The following CTNND2 variants were observed in gnomAD, a reference collection of about 807,000 sequenced individuals.
CTNND2 encodes the protein catenin delta 2.
In CTNND2, 22 loss-of-function variants were observed where a neutral mutation model predicts 144.4. The ratio of observed to expected loss-of-function variants is 0.15; its 90% CI spans 0.11 to 0.22. The LOEUF is 0.22. Among genes scored for constraint, CTNND2 ranks in the 10% least tolerant of loss-of-function variants. The pLI is 1.00. For missense variants in CTNND2, 1,353 were observed against 1,618.8 expected (o/e 0.84, Z 2.82); for synonymous variants, 751 against 695.6 (o/e 1.08, Z -1.25).
chr5:11,269,504 T>C (rs537503283), intron 9 of CTNND2, among the ~76,000 whole-genome samples: 145 of 152,352 alleles, frequency 9.5e-4, no homozygotes, highest in African/African-American at 3.3e-3. Context: ...TACATTTGCA[T>C]TGTATTCATA....
chr5:11,475,090 C>T (rs1767590667), intron 3 of CTNND2, among the ~76,000 whole-genome samples: 1 of 152,202 alleles, frequency 6.6e-6, no homozygotes, highest in Non-Finnish European at 1.5e-5. Context: ...AAGTGTGTCT[C>T]AGGTATTACC....
chr5:11,660,640 C>T (rs957808702), intron 2 of CTNND2, among the ~76,000 whole-genome samples: 1 of 151,960 alleles, frequency 6.6e-6, no homozygotes, highest in Non-Finnish European at 1.5e-5. Flanking sequence ...GGAGGAAAAA[C>T]AAGTTGAGAA....
intron 2 of CTNND2, among the ~76,000 whole-genome samples, chr5:11,705,516 C>T (rs1344116794): frequency 6.6e-6 from 1 of 152,102 alleles, no homozygotes. Flanking sequence ...TGGGATGAGA[C>T]ATCTGAAAAT....
intron 3 of CTNND2, among the ~76,000 whole-genome samples, chr5:11,521,652 T>A (rs570611597): frequency 1.3e-5 from 2 of 152,178 alleles, no homozygotes; most frequent in Non-Finnish European, 2.9e-5. Context: ...CCGGCAAAAA[T>A]TAGGCATTTA....
chr5:11,193,557 G>A (rs1193638578), intron 11 of CTNND2, among the ~76,000 whole-genome samples: 1 of 152,158 alleles, frequency 6.6e-6, no homozygotes, highest in Non-Finnish European at 1.5e-5. Flanking sequence ...TGGGAACATA[G>A]TAACCCTGAA....
At chr5:11,377,569 A>G (rs1049647966) in intron 7 of CTNND2, among the ~76,000 whole-genome samples, 2 of 152,202 alleles carry the variant, frequency 1.3e-5, no homozygotes, top group African/African-American at 4.8e-5. Context: ...GAGCTTTCAC[A>G]GAATTCTATA....
intron 3 of CTNND2, among the ~76,000 whole-genome samples, chr5:11,439,661 T>A (rs1029267966): frequency 1.3e-5 from 2 of 152,024 alleles, no homozygotes; most frequent in African/African-American, 4.8e-5. Context: ...GCTTCCCCAG[T>A]AGCTAGGGGT....
At chr5:11,721,512 C>A (rs1334643501) in intron 2 of CTNND2, among the ~76,000 whole-genome samples, 1 of 152,166 alleles carries the variant, frequency 6.6e-6, no homozygotes, top group Non-Finnish European at 1.5e-5. Flanking sequence ...CAAACCACCT[C>A]AAGATTTACT....
At chr5:11,352,677 A>G (rs1399464443) in intron 8 of CTNND2, among the ~76,000 whole-genome samples, 1 of 152,216 alleles carries the variant, frequency 6.6e-6, no homozygotes, top group Non-Finnish European at 1.5e-5. Flanking sequence ...ATGAGCAGAT[A>G]GATTTCTATG....
chr5:11,818,625 C>A (rs1561831258), intron 1 of CTNND2, among the ~76,000 whole-genome samples: 1 of 152,194 alleles, frequency 6.6e-6, no homozygotes, highest in Admixed American at 6.5e-5. Context: ...ACCTTGGCAT[C>A]CCAAAGTGCT....
intron 10 of CTNND2, among the ~76,000 whole-genome samples, chr5:11,208,762 C>T (rs906402227): frequency 6.6e-6 from 1 of 151,978 alleles, no homozygotes; most frequent in African/African-American, 2.4e-5. Flanking sequence ...AAGCCAGGAG[C>T]CATAATGAAA....
chr5:11,886,719 A>G (rs546943866), intron 1 of CTNND2, among the ~76,000 whole-genome samples: 2 of 152,310 alleles, frequency 1.3e-5, no homozygotes, highest in Non-Finnish European at 2.9e-5. Context: ...GTGAGGGGGC[A>G]TTAAAAGTTT....
At chr5:11,887,634 C>T (rs1166872719) in intron 1 of CTNND2, among the ~76,000 whole-genome samples, 1 of 151,990 alleles carries the variant, frequency 6.6e-6, no homozygotes, top group Non-Finnish European at 1.5e-5. Flanking sequence ...AATTAATGAC[C>T]AGTATTGATA....
rs1689044089 is a variant in CTNND2 at position 11,698,010 on chromosome 5, T to C, written c.174+34126A>G. On this transcript the variant is annotated intron_variant, in intron 2 of 21. Transcript: ENST00000304623. ...GCTTTTATTCTAAGCTGGCAGAAAG[T>C]AGGAGAGTTACAGTCAGATTTAATT... Among the ~76,000 whole-genome samples, 4 of 152,124 alleles carry C rather than the reference T, an allele frequency of 2.6e-5. No homozygotes were observed. In the South Asian group the frequency reaches 8.3e-4, roughly 32 times the overall value.
intron 6 of CTNND2, 69 bp from the exon 7 acceptor site, chr5:11,385,298 C>T: frequency 2.0e-6 from 2 of 1,018,078 alleles, no homozygotes; most frequent in South Asian, 9.1e-5. Flanking sequence ...CCGGCCCAGC[C>T]CGGCCCCGAG....
chr5:11,714,388 G>A (rs1786223098), intron 2 of CTNND2, among the ~76,000 whole-genome samples: 1 of 151,918 alleles, frequency 6.6e-6, no homozygotes, highest in African/African-American at 2.4e-5. Context: ...ACCTTACTCT[G>A]GTAAAGTTAC....
intron 2 of CTNND2, among the ~76,000 whole-genome samples, chr5:11,707,090 A>T (rs1785750596): frequency 6.6e-6 from 1 of 151,986 alleles, no homozygotes; most frequent in South Asian, 2.1e-4. Context: ...CATCTCAAAA[A>T]AAAAAAAAAA....
intron 9 of CTNND2, among the ~76,000 whole-genome samples, chr5:11,261,047 A>T (rs952762323): frequency 2.6e-5 from 4 of 152,126 alleles, no homozygotes; most frequent in Admixed American, 2.0e-4. Flanking sequence ...GATCCCAGGC[A>T]GGGTGCTAAC....
intron 1 of CTNND2, among the ~76,000 whole-genome samples, chr5:11,755,468 T>C (rs1378186077): frequency 6.6e-6 from 1 of 151,834 alleles, no homozygotes; most frequent in South Asian, 2.1e-4. Flanking sequence ...CTGCATTTCC[T>C]GAATTTGAAT....
Sources: gnomAD v4.1 joint callset for allele counts (sites outside exome capture counted in the v4.1 genomes callset) on GRCh38, gnomAD v4.1.1 for gene constraint, MANE v1.5 for transcripts, NCBI Gene and HGNC (gene_info 2026-07-23, HGNC 2026-07-21) for gene names.